TOX4: variants seen among roughly 807,000 people sequenced by gnomAD.
The protein encoded by TOX4 is TOX high mobility group box family member 4.
A neutral mutation model predicts 61.0 loss-of-function variants in TOX4; 12 were observed. That is an observed-to-expected ratio of 0.20 (90% CI 0.13 to 0.32). The LOEUF (loss-of-function observed/expected upper bound fraction) is 0.32, where lower values mean the gene tolerates loss of function less well. TOX4 is among the 10% of genes least tolerant of loss of function. The probability of loss-of-function intolerance (pLI) is 1.00; values close to 1 mark genes in which losing one functional copy is unlikely to be tolerated. For synonymous variants in TOX4, 268 were observed against 274.8 expected (o/e 0.98, Z 0.24); for missense variants, 499 against 753.3 (o/e 0.66, Z 3.95).
chr14:21,479,458 G>C (rs181018938), intron 2 of TOX4, among the ~76,000 whole-genome samples: 1 of 152,038 alleles, frequency 6.6e-6, no homozygotes, highest in African/African-American at 2.4e-5. Flanking sequence ...AGACCAGCCT[G>C]ACCAACATGT....
chr14:21,483,400 T>TC (rs1186783280), intron 2 of TOX4, among the ~76,000 whole-genome samples: 1 of 151,826 alleles, frequency 6.6e-6, no homozygotes, highest in African/African-American at 2.4e-5. Flanking sequence ...TTTTTTTTTT[T>TC]TTGGTGTGAG....
chr14:21,487,435 C>CT lies in TOX4; in HGVS notation c.76-10dup, dbSNP rs771580642. ...CCTCTTTTCACTAATTCTTTTCCCC[C>CT]TTTTTTCCCCTACAGACATTCCATA... On this transcript the variant is annotated splice_polypyrimidine_tract_variant and intron_variant, in intron 2 of 8. Coordinates refer to ENST00000448790, the MANE Select transcript of TOX4 (RefSeq NM_014828.4). 2 of 1,610,140 alleles carry CT rather than the reference C, an allele frequency of 1.2e-6. No individual in the cohort carries two copies. The highest frequency in any genetic ancestry group is 1.7e-5 in the Admixed American group (1 of 59,886).
At position 21,496,852 on chromosome 14, in the gene TOX4, A is replaced by G; in HGVS notation, c.*246A>G. 2.3e-6 allele frequency: 1 copy of G among 428,030 alleles called. No homozygotes were observed. The highest frequency in any genetic ancestry group is 6.8e-4 in the Middle Eastern group (1 of 1,474). 26.5% of individuals were successfully genotyped at this position (428,030 alleles called of 1,614,324 possible). ...TAATAGCAGAGGAAAGGGTGAAGGG[A>G]GTCTGGGCAAGCAAAGCATAGAGAT... On this transcript the variant is annotated 3_prime_UTR_variant, in exon 9 of 9. Transcript: ENST00000448790.
intron 5 of TOX4, among the ~76,000 whole-genome samples, chr14:21,490,352 C>T (rs1283521977): frequency 6.6e-6 from 1 of 152,012 alleles, no homozygotes; most frequent in East Asian, 1.9e-4. Flanking sequence ...TGGCATGCCT[C>T]AAATCCCAGC....
In TOX4 at chr14:21,498,217, G is replaced by C. The variant is rs377724885; in HGVS notation, c.*1611G>C. 35 of 1,151,302 alleles carry C rather than the reference G, an allele frequency of 3.0e-5. No homozygotes were observed. Among genetic ancestry groups the C allele is most frequent in the Non-Finnish European group, 3.6e-5 (27 of 759,368 alleles). The allele number at this position is 1,151,302 out of a possible 1,614,324, so 71.3% of individuals were successfully genotyped here. A position where few individuals can be genotyped will look rare whatever the true frequency, so the allele number is the denominator to read the frequency against. On this transcript the variant is annotated 3_prime_UTR_variant, in exon 9 of 9. Transcript: ENST00000448790. ...TATCACTCTTCAGGTTTAGCTTACA[G>C]AGCCATGGCTATGGATTCTTAGCTC...
At chr14:21,480,536 A>C (rs1891089611) in intron 2 of TOX4, among the ~76,000 whole-genome samples, 1 of 152,186 alleles carries the variant, frequency 6.6e-6, no homozygotes, top group Non-Finnish European at 1.5e-5. Flanking sequence ...AATATTAAAA[A>C]AAAGTTTTTT....
At chr14:21,491,385 A>C (rs1417427111) in intron 5 of TOX4, among the ~76,000 whole-genome samples, 1 of 150,812 alleles carries the variant, frequency 6.6e-6, no homozygotes, top group Non-Finnish European at 1.5e-5. Flanking sequence ...TTTGAGACAG[A>C]GTCTCACTGT....
At chr14:21,496,375 A>C in intron 8 of TOX4, 171 bp from the exon 9 acceptor site, 1 of 539,920 alleles carries the variant, frequency 1.9e-6, no homozygotes, top group Non-Finnish European at 3.3e-6. Context: ...AAAATACAAA[A>C]AATTGGCCGG....
intron 4 of TOX4, among the ~76,000 whole-genome samples, 153 bp from the exon 5 acceptor site, chr14:21,489,020 C>T (rs1245727144): frequency 6.6e-6 from 1 of 152,190 alleles, no homozygotes; most frequent in Non-Finnish European, 1.5e-5. Flanking sequence ...CTCTCAATCC[C>T]TATTCTTATT....
In TOX4 at chr14:21,489,426, G is replaced by A. The variant is rs562846130; in HGVS notation, c.810+23G>A. 5.6e-5 allele frequency: 88 copies of A among 1,583,402 alleles called. No individual in the cohort carries two copies. The South Asian group carries it at 9.7e-4, about 17-fold the overall frequency. ...CAGGTGAGCAAATATTGAGGAACTA[G>A]TAGTGAATGTTCCAGAAGTTTTTAA... On this transcript the variant is annotated intron_variant, in intron 5 of 8. Coordinates refer to ENST00000448790, the MANE Select transcript of TOX4 (RefSeq NM_014828.4).
chr14:21,482,072 T>C (rs1275961118), intron 2 of TOX4, among the ~76,000 whole-genome samples: 1 of 152,200 alleles, frequency 6.6e-6, no homozygotes, highest in Non-Finnish European at 1.5e-5. Context: ...GAAATAGTAA[T>C]AATTTCAAAA....
chr14:21,493,003 CTGCAGCAGCCTCCTCCACTCCAGGCCA>C lies in TOX4; in HGVS notation c.1392_1418del (p.Leu469_Pro477del). ...CCCGACTCAGCAGCAAGTTACCATT[CTGCAGCAGCCTCCTCCACTCCAGGCCA>C]TGCAACAGCCTCCACCTCAGAAAGT... On this transcript the variant is annotated inframe_deletion, in exon 7 of 9. Transcript: ENST00000448790. 6.2e-7 allele frequency: 1 copy of C among 1,613,532 alleles called. No individual in the cohort carries two copies. Among genetic ancestry groups the C allele is most frequent in the Non-Finnish European group, 8.5e-7 (1 of 1,179,656 alleles).
intron 2 of TOX4, among the ~76,000 whole-genome samples, chr14:21,480,385 G>T (rs1440034946): frequency 1.3e-5 from 2 of 152,102 alleles, no homozygotes; most frequent in South Asian, 2.1e-4. Context: ...ATTGTTAACA[G>T]TTCTCCATTT....
At chr14:21,478,792 T>C (rs760331312) in intron 2 of TOX4, among the ~76,000 whole-genome samples, 2 of 152,074 alleles carry the variant, frequency 1.3e-5, no homozygotes, top group Non-Finnish European at 2.9e-5. Flanking sequence ...GGCCAGTTGC[T>C]AGTTTAACTT....
rs766790923 is a variant in TOX4, at chr14:21,487,664, G to A, written c.289G>A (p.Gly97Arg). 8 of 1,613,360 alleles carry A rather than the reference G, an allele frequency of 5.0e-6. 1 individual carries two copies. The highest frequency in any genetic ancestry group is 2.2e-5 in the South Asian group (2 of 91,078). The part of the protein sequence containing the change: ...GMTHGLMEQG[G>R]GLLSGGLTMD... ...GACCCATGGCTTGATGGAGCAGGGC[G>A]GGGGGCTCCTGAGTGGGGGCTTGAC... Residue 97 changes from glycine (G) to arginine (R), a missense_variant, in exon 3 of 9, where the codon GGG becomes AGG. Physicochemically the swap from Gly to Arg is moderately radical, Grantham distance 125. Coordinates refer to ENST00000448790, the MANE Select transcript of TOX4 (RefSeq NM_014828.4).
chr14:21,494,592 C>CA (rs539062169), intron 7 of TOX4, among the ~76,000 whole-genome samples: 219 of 151,740 alleles, frequency 1.4e-3, no homozygotes, highest in African/African-American at 5.0e-3. Flanking sequence ...CTAAAAAATA[C>CA]AAAAAAAATT....
chr14:21,488,957 T>TG, intron 4 of TOX4, 107 bp downstream of exon 4: 16 of 1,479,844 alleles, frequency 1.1e-5, no homozygotes, highest in Non-Finnish European at 1.4e-5. Flanking sequence ...CCATCTCCTC[T>TG]GCTGTTTTCT....
In TOX4 at chr14:21,498,652, G is replaced by A. The variant is rs540799432; in HGVS notation, c.*2046G>A. The A allele has an allele frequency of 1.0e-5, 5 of 501,612 alleles. No individual in the cohort carries two copies. The highest frequency in any genetic ancestry group is 1.9e-5 in the African/African-American group (1 of 52,150). The allele number at this position is 501,612 out of a possible 1,614,324, so 31.1% of individuals were successfully genotyped here. A position where few individuals can be genotyped will look rare whatever the true frequency, so the allele number is the denominator to read the frequency against. On this transcript the variant is annotated 3_prime_UTR_variant, in exon 9 of 9. Transcript: ENST00000448790. The stretch of plus-strand genomic sequence containing the variant: ...CTACCAGGGAGTATTCTTTGGATAA[G>A]CAAAATGCTAGCAGCATGTGTTTTA...
chr14:21,478,318 A>G (rs1189813198), intron 2 of TOX4, among the ~76,000 whole-genome samples: 1 of 152,246 alleles, frequency 6.6e-6, no homozygotes, highest in Non-Finnish European at 1.5e-5. Context: ...TCAGGAGGAA[A>G]GGAAATAGCT....
Sources: gnomAD v4.1 joint callset for allele counts (sites outside exome capture counted in the v4.1 genomes callset) on GRCh38, gnomAD v4.1.1 for gene constraint, MANE v1.5 for transcripts, NCBI Gene and HGNC (gene_info 2026-07-23, HGNC 2026-07-21) for gene names.